Variants in TAB3 observed in about 807,000 individuals in gnomAD.
TAB3 encodes TGF-beta activated kinase 1 (MAP3K7) binding protein 3.
In TAB3, 18 loss-of-function variants were observed where a neutral mutation model predicts 48.1. The observed-to-expected ratio is 0.37, with a 90% CI of 0.26 to 0.55. The LOEUF is 0.55. TAB3 is among the 20% of genes least tolerant of loss of function. The pLI is 0.78. For missense variants in TAB3, 414 were observed against 549.8 expected, an observed-to-expected ratio of 0.75 and a Z score of 2.47; for synonymous variants, 185 against 190.2, an observed-to-expected ratio of 0.97 and a Z score of 0.22.
intron 6 of TAB3, among the ~76,000 whole-genome samples, chrX:30,853,823 C>T (rs757341077): frequency 9.0e-5 from 10 of 111,500 alleles, no homozygotes; most frequent in African/African-American, 2.3e-4. Context: ...TGCAGGCATG[C>T]GCCACCACAC....
chrX:30,877,618 G>C (rs1453227119), intron 1 of TAB3, among the ~76,000 whole-genome samples: 2 of 110,634 alleles, frequency 1.8e-5, no homozygotes, highest in Non-Finnish European at 3.8e-5. Context: ...TAAATGCTAG[G>C]GTAATCACAA....
rs759938154 is a variant in TAB3 at position 30,887,161 on chromosome X, ATAATG to A, written c.-383+1948_-383+1952del. Among the ~76,000 whole-genome samples the A allele has an allele frequency of 1.0e-3, 118 of 112,571 alleles. No homozygotes were observed. In the South Asian group the frequency reaches 0.039, roughly 37 times the overall value. ...AACCCCTATAGATAGTTGCCATGTA[ATAATG>A]TAATTTGAAATACTATTCAGGACTA... On this transcript the variant is annotated intron_variant, in intron 1 of 10. Coordinates refer to ENST00000288422, the MANE Select transcript of TAB3 (RefSeq NM_152787.5).
intron 7 of TAB3, among the ~76,000 whole-genome samples, chrX:30,852,368 G>T (rs751474031): frequency 8.9e-6 from 1 of 111,737 alleles, no homozygotes; most frequent in East Asian, 2.8e-4. Context: ...TAACTCATCT[G>T]AATTAATGTA....
At chrX:30,882,278 T>G (rs973420352) in intron 1 of TAB3, among the ~76,000 whole-genome samples, 2 of 112,516 alleles carry the variant, frequency 1.8e-5, no homozygotes, top group Non-Finnish European at 3.8e-5. Context: ...AAATCAATCA[T>G]AACTATGATG....
chrX:30,853,013 TA>T (rs924580737), intron 6 of TAB3, 75 bp from the exon 7 acceptor site: 249 of 1,044,960 alleles, frequency 2.4e-4, no homozygotes, highest in Non-Finnish European at 3.2e-4. Context: ...TATGCACTGC[TA>T]ATGTATAAAA....
At chrX:30,874,943 A>T (rs1008821372) in intron 1 of TAB3, among the ~76,000 whole-genome samples, 2 of 112,288 alleles carry the variant, frequency 1.8e-5, no homozygotes, top group African/African-American at 6.5e-5. Context: ...CTGTATGTGT[A>T]GGGATGAGAA....
chrX:30,831,661 C>A, intron 10 of TAB3, 86 bp from the exon 11 acceptor site: 1 of 1,019,237 alleles, frequency 9.8e-7, no homozygotes. Context: ...AAGAAAAATA[C>A]CACAAAAATC....
chrX:30,840,455 T>A (rs1050618608), intron 9 of TAB3, among the ~76,000 whole-genome samples: 1 of 111,576 alleles, frequency 9.0e-6, no homozygotes, highest in Admixed American at 9.6e-5. Flanking sequence ...ATTTCCTGAG[T>A]AACGGCAGTG....
rs1289731846 is a variant in TAB3, at chrX:30,828,654, T to C, written c.*2773A>G. ...CTTTCTAAAATCCCAGTTTACAAAA[T>C]AGCGAAATAATGTAAAATGTATAGT... On this transcript the variant is annotated 3_prime_UTR_variant, in exon 11 of 11. Transcript: ENST00000288422. 8.9e-6 allele frequency: 1 copy of C among 112,291 alleles called. No homozygotes were observed. The highest frequency in any genetic ancestry group is 4.1e-3 in the Middle Eastern group (1 of 241). 9.3% of individuals were successfully genotyped at this position (112,291 alleles called of 1,213,427 possible).
chrX:30,854,848 G>A lies in TAB3; in HGVS notation c.817C>T (p.Gln273Ter), dbSNP rs1425291394. 1 of 1,211,562 alleles carries A rather than the reference G, an allele frequency of 8.3e-7. No individual in the cohort carries two copies. Among genetic ancestry groups the A allele is most frequent in the Non-Finnish European group, 1.1e-6 (1 of 895,423 alleles). Residue 273 changes from glutamine to a stop codon, truncating the protein, a stop_gained, in exon 6 of 11, where the codon CAG becomes TAG. Coordinates refer to ENST00000288422, the MANE Select transcript of TAB3 (RefSeq NM_152787.5). LOFTEE classifies it high-confidence loss of function. ...GAATACTGAGAAGGCTGATAGTTCTGTTGGTGTGGATAAACAGGTAAAGGA... is the reference window on the plus strand; with the variant it reads ...GAATACTGAGAAGGCTGATAGTTCTATTGGTGTGGATAAACAGGTAAAGGA... The part of the protein sequence containing the change: ...QRPLPVYPHQ[Q>*]NYQPSQYSPK...
intron 10 of TAB3, 31 bp from the exon 11 acceptor site, chrX:30,831,606 G>T (rs1486334105): frequency 7.6e-6 from 9 of 1,188,024 alleles, no homozygotes; most frequent in Non-Finnish European, 1.0e-5. Flanking sequence ...GGGGGAGGGG[G>T]AAGGTAAATA....
chrX:30,886,769 G>T (rs1285042669), intron 1 of TAB3, among the ~76,000 whole-genome samples: 1 of 112,190 alleles, frequency 8.9e-6, no homozygotes, highest in Non-Finnish European at 1.9e-5. Context: ...TGATTTCTGT[G>T]GCTGTTCCAC....
chrX:30,832,396 A>G (rs1440072941), intron 10 of TAB3, among the ~76,000 whole-genome samples: 5 of 111,866 alleles, frequency 4.5e-5, no homozygotes, highest in Admixed American at 9.5e-5. Flanking sequence ...TTAGGTCTCT[A>G]TTGAGACTGA....
chrX:30,868,788 C>A (rs1386382737), intron 2 of TAB3, among the ~76,000 whole-genome samples: 1 of 105,933 alleles, frequency 9.4e-6, no homozygotes, highest in East Asian at 3.0e-4. Flanking sequence ...TCAGAGCTAT[C>A]ATACATACAA....
chrX:30,868,586 T>TAGAG (rs1306064666), intron 2 of TAB3, among the ~76,000 whole-genome samples: 3 of 8,752 alleles, frequency 3.4e-4, no homozygotes, highest in East Asian at 3.5e-3. Flanking sequence ...TATATATATA[T>TAGAG]AGAGAGAGAG....
chrX:30,843,236 A>G, intron 8 of TAB3, 187 bp from the exon 9 acceptor site: 1 of 381,576 alleles, frequency 2.6e-6, no homozygotes, highest in East Asian at 4.4e-5. Context: ...AAAAGACCCA[A>G]GAAAACCACT....
chrX:30,841,403 A>T (rs1263830173), intron 9 of TAB3, among the ~76,000 whole-genome samples: 1 of 83,572 alleles, frequency 1.2e-5, no homozygotes, highest in Non-Finnish European at 2.5e-5. Flanking sequence ...TGACAGAGAG[A>T]GTCTCCATCT....
chrX:30,888,898 C>A (rs1411871826), intron 1 of TAB3, among the ~76,000 whole-genome samples: 2 of 113,202 alleles, frequency 1.8e-5, no homozygotes, highest in African/African-American at 6.4e-5. Flanking sequence ...CCTCTCGGGG[C>A]GTCTGGGGCG....
chrX:30,878,228 T>C (rs754218672), intron 1 of TAB3, among the ~76,000 whole-genome samples: 12 of 111,987 alleles, frequency 1.1e-4, no homozygotes, highest in Non-Finnish European at 2.1e-4. Context: ...TGGTGGCTCA[T>C]GCCTGTAATC....
Sources: allele counts gnomAD v4.1 joint callset (sites outside exome capture counted in the v4.1 genomes callset), GRCh38; gene constraint gnomAD v4.1.1; transcripts MANE v1.5; gene names NCBI Gene and HGNC (gene_info 2026-07-23, HGNC 2026-07-21).